Variants in FAM20B observed in about 807,000 individuals in gnomAD.
FAM20B encodes FAM20B glycosaminoglycan xylosylkinase.
FAM20B carries 23 observed loss-of-function variants against 43.8 expected under a neutral mutation model. The ratio of observed to expected loss-of-function variants is 0.53; its 90% CI spans 0.38 to 0.74. The LOEUF (loss-of-function observed/expected upper bound fraction) is 0.74, where lower values mean the gene tolerates loss of function less well. FAM20B is among the 30% of genes least tolerant of loss of function. FAM20B has a pLI of 0.00. For synonymous variants in FAM20B, 178 were observed against 192.4 expected (o/e 0.93, Z 0.62); for missense variants, 440 against 510.5 (o/e 0.86, Z 1.33).
chr1:179,043,854 C>T lies in FAM20B; in HGVS notation c.7C>T (p.Leu3=), dbSNP rs1268065684. Residue 3 remains leucine, a synonymous_variant, in exon 2 of 8, where the codon CTA becomes TTA. Transcript: ENST00000263733. The part of the protein sequence containing the change: MK[L]KQRVVLLAIL... The stretch of plus-strand genomic sequence containing the variant: ...AGAAGGAAAAGAGGTCAACATGAAG[C>T]TAAAGCAGCGAGTCGTGCTGTTAGC... 3.1e-6 allele frequency: 5 copies of T among 1,592,376 alleles called. No homozygotes were observed. Among genetic ancestry groups the T allele is most frequent in the African/African-American group, 1.3e-5 (1 of 74,670 alleles).
In FAM20B at chr1:179,075,190, T is replaced by G. The variant is rs1356128049; in HGVS notation, c.*3046T>G. 2 of 149,842 alleles carry G rather than the reference T, an allele frequency of 1.3e-5. No individual in the cohort carries two copies. The highest frequency in any genetic ancestry group is 5.0e-5 in the African/African-American group (2 of 40,400). 9.3% of individuals were successfully genotyped at this position (149,842 alleles called of 1,614,324 possible). On this transcript the variant is annotated 3_prime_UTR_variant, in exon 8 of 8. Transcript: ENST00000263733. ...CTGGGAGACAGAGCGAGACTCTGTC[T>G]TAAAAAAAAAAAAAGGAGGTGAATT...
rs753404645 is a variant in FAM20B, at chr1:179,062,562, A to G, written c.575-1365A>G. 7.4e-4 allele frequency among the ~76,000 whole-genome samples: 112 copies of G among 152,044 alleles called. 1 individual carries two copies. The highest frequency in any genetic ancestry group is 2.8e-4 in the Non-Finnish European group (19 of 67,974). ...CTACTCGGGAGGCTGAGGCAGGAGA[A>G]TTGCTTGAACCCGGGAGGCGGAGGT... On this transcript the variant is annotated intron_variant, in intron 4 of 7. Transcript: ENST00000263733.
At chr1:179,029,437 C>A (rs765943022) in intron 1 of FAM20B, among the ~76,000 whole-genome samples, 1 of 152,218 alleles carries the variant, frequency 6.6e-6, no homozygotes, top group African/African-American at 2.4e-5. Context: ...GCAAAGATCT[C>A]ACTTCTGATT....
intron 4 of FAM20B, among the ~76,000 whole-genome samples, chr1:179,060,947 T>G (rs1651435632): frequency 6.6e-6 from 1 of 152,212 alleles, no homozygotes; most frequent in Admixed American, 6.5e-5. Flanking sequence ...GCTATTTGTA[T>G]TTTCTGTTAA....
At chr1:179,032,451 GTT>G (rs1479964339) in intron 1 of FAM20B, among the ~76,000 whole-genome samples, 3 of 151,200 alleles carry the variant, frequency 2.0e-5, no homozygotes, top group South Asian at 4.2e-4. Context: ...AACCCTGTGA[GTT>G]AGGTAATAGT....
intron 3 of FAM20B, among the ~76,000 whole-genome samples, chr1:179,051,470 T>G (rs377024350): frequency 1.3e-5 from 2 of 151,550 alleles, no homozygotes; most frequent in South Asian, 4.2e-4. Context: ...ACTAAAAAAA[T>G]ACAAAAATTA....
chr1:179,070,478 A>G (rs544513003), intron 7 of FAM20B, among the ~76,000 whole-genome samples: 73 of 150,984 alleles, frequency 4.8e-4, no homozygotes, highest in African/African-American at 1.8e-3. Flanking sequence ...AGAAGGCAAA[A>G]GGGCAAAGAG....
intron 1 of FAM20B, among the ~76,000 whole-genome samples, chr1:179,036,982 G>GC (rs1391909307): frequency 6.6e-6 from 1 of 152,138 alleles, no homozygotes; most frequent in African/African-American, 2.4e-5. Context: ...GAAGCAAAGA[G>GC]CACCTACACA....
intron 1 of FAM20B, among the ~76,000 whole-genome samples, chr1:179,040,641 C>G (rs1332657050): frequency 1.5e-5 from 2 of 137,888 alleles, no homozygotes; most frequent in African/African-American, 5.9e-5. Flanking sequence ...ACCTCCCGGA[C>G]GGGGCGGCTG....
At chr1:179,018,954 G>T in the FAM20B span, among the ~76,000 whole-genome samples, 1 of 152,320 alleles carries the variant, frequency 6.6e-6, no homozygotes, top group East Asian at 1.9e-4. Flanking sequence ...AGATCTGAAG[G>T]CCTGAGAAGC....
intron 1 of FAM20B, among the ~76,000 whole-genome samples, chr1:179,037,920 A>G (rs567279617): frequency 1.3e-5 from 2 of 152,328 alleles, no homozygotes; most frequent in South Asian, 4.1e-4. Context: ...AAAAGGACAC[A>G]AACTTGGATT....
rs202186782 is a variant in FAM20B at position 179,072,033 on chromosome 1, C to T, written c.1119C>T (p.Asp373=). Residue 373 remains aspartate (D), a synonymous_variant, in exon 8 of 8, where the codon GAC becomes GAT. Transcript: ENST00000263733. ...ISPVLSDPHL[D]AVDQRLLSVL... The stretch of plus-strand genomic sequence containing the variant: ...CAGTGCTCTCTGATCCTCATCTGGA[C>T]GCCGTGGACCAGCGGCTCCTGAGTG... The T allele has an allele frequency of 1.8e-4, 289 of 1,614,140 alleles. No individual in the cohort carries two copies. The highest frequency in any genetic ancestry group is 5.0e-4 in the Admixed American group (30 of 60,018).
At position 179,073,183 on chromosome 1, in the gene FAM20B, T is replaced by A. The variant is rs1193472766; in HGVS notation, c.*1039T>A. On this transcript the variant is annotated 3_prime_UTR_variant, in exon 8 of 8. Transcript: ENST00000263733. Reference sequence around the variant, plus strand: ...AAGAGATCGGCAACCTTTTTGTCCCTTTCTCATAAGAAAGGGACACTCCTA... The same window carrying A: ...AAGAGATCGGCAACCTTTTTGTCCCATTCTCATAAGAAAGGGACACTCCTA... 6.6e-6 allele frequency: 1 copy of A among 152,198 alleles called. No homozygotes were observed. The highest frequency in any genetic ancestry group is 2.4e-5 in the African/African-American group (1 of 41,462). 9.4% of individuals were successfully genotyped at this position (152,198 alleles called of 1,614,324 possible).
chr1:179,069,130 TC>T, intron 7 of FAM20B, among the ~76,000 whole-genome samples: 1 of 152,178 alleles, frequency 6.6e-6, no homozygotes, highest in South Asian at 2.1e-4. Context: ...GGGAGAGTTA[TC>T]CCCAGGCCAG....
At chr1:179,071,188 CA>C (rs1426226270) in intron 7 of FAM20B, among the ~76,000 whole-genome samples, 5 of 151,748 alleles carry the variant, frequency 3.3e-5, no homozygotes, top group African/African-American at 1.2e-4. Context: ...CCCAGCTACT[CA>C]GGAGGCTGAG....
chr1:179,060,729 A>G (rs1030257184), intron 4 of FAM20B, among the ~76,000 whole-genome samples: 1 of 152,194 alleles, frequency 6.6e-6, no homozygotes, highest in African/African-American at 2.4e-5. Context: ...CACATGAGCA[A>G]GTATTTCTAG....
chr1:179,049,742 A>G (rs912903834), intron 2 of FAM20B, among the ~76,000 whole-genome samples: 3 of 152,192 alleles, frequency 2.0e-5, no homozygotes, highest in Non-Finnish European at 4.4e-5. Flanking sequence ...GGGTTTCGCC[A>G]TGTTGGCCAG....
chr1:179,032,371 G>A (rs1374542564), intron 1 of FAM20B, among the ~76,000 whole-genome samples: 1 of 144,976 alleles, frequency 6.9e-6, no homozygotes, highest in Non-Finnish European at 1.5e-5. Context: ...ACCCAGGCTG[G>A]AATGCAGTGG....
At chr1:179,066,644 A>G (rs1172567962) in intron 6 of FAM20B, among the ~76,000 whole-genome samples, 156 bp from the exon 7 acceptor site, 1 of 152,154 alleles carries the variant, frequency 6.6e-6, no homozygotes, top group East Asian at 1.9e-4. Flanking sequence ...CTAATTGGTC[A>G]TGCCCCGCTT....
Sources: allele counts gnomAD v4.1 joint callset (sites outside exome capture counted in the v4.1 genomes callset), GRCh38; gene constraint gnomAD v4.1.1; transcripts MANE v1.5; gene names NCBI Gene and HGNC (gene_info 2026-07-23, HGNC 2026-07-21).